Variants in LRRC3B observed in about 807,000 individuals in gnomAD.
LRRC3B encodes the protein leucine rich repeat containing 3B.
A neutral mutation model predicts 12.8 loss-of-function variants in LRRC3B; 2 were observed. The ratio of observed to expected loss-of-function variants is 0.16; its 90% CI spans 0.06 to 0.49. LRRC3B has a LOEUF of 0.49. LRRC3B is among the 20% of genes least tolerant of loss of function. LRRC3B has a pLI of 0.96. For synonymous variants in LRRC3B, 132 were observed against 122.0 expected, an observed-to-expected ratio of 1.08 and a Z score of -0.54; for missense variants, 189 against 319.4, an observed-to-expected ratio of 0.59 and a Z score of 3.11.
intron 1 of LRRC3B, among the ~76,000 whole-genome samples, chr3:26,692,281 CAGAT>C (rs947357042): frequency 7.2e-5 from 11 of 152,200 alleles, no homozygotes; most frequent in African/African-American, 2.2e-4. Flanking sequence ...GGTTTAGACT[CAGAT>C]AGTCTGACTT....
intron 1 of LRRC3B, among the ~76,000 whole-genome samples, chr3:26,658,019 A>C (rs1395318139): frequency 6.6e-6 from 1 of 152,206 alleles, no homozygotes; most frequent in East Asian, 1.9e-4. Context: ...AATTTAGATA[A>C]TCTTGACTTT....
intron 1 of LRRC3B, among the ~76,000 whole-genome samples, chr3:26,626,837 A>T (rs912623903): frequency 1.3e-5 from 2 of 152,208 alleles, no homozygotes; most frequent in Non-Finnish European, 2.9e-5. Context: ...ATAAGATTAA[A>T]TGATTTCTAA....
chr3:26,689,334 C>T (rs1427585391), intron 1 of LRRC3B, among the ~76,000 whole-genome samples: 3 of 152,270 alleles, frequency 2.0e-5, no homozygotes, highest in South Asian at 2.1e-4. Flanking sequence ...GTAGGCCAGG[C>T]TAGCATCACA....
chr3:26,695,858 A>G (rs1700302758), intron 1 of LRRC3B, among the ~76,000 whole-genome samples: 1 of 152,246 alleles, frequency 6.6e-6, no homozygotes, highest in Non-Finnish European at 1.5e-5. Context: ...TCCAAAATCC[A>G]CAATGGCTAA....
intron 1 of LRRC3B, among the ~76,000 whole-genome samples, chr3:26,632,646 C>A (rs932670575): frequency 1.3e-5 from 2 of 151,892 alleles, no homozygotes; most frequent in East Asian, 1.9e-4. Flanking sequence ...GTTTGTTTGA[C>A]CTAAGGGCAG....
intron 1 of LRRC3B, among the ~76,000 whole-genome samples, chr3:26,671,413 G>GAGAGAGAGAGAGAGGGAGAGAGAGAGAC (rs9331540): frequency 1.0e-5 from 1 of 99,388 alleles, no homozygotes; most frequent in Non-Finnish European, 1.9e-5. Flanking sequence ...GAGAGAGAGA[G>GAGAGAGAGAGAGAGGGAGAGAGAGAGAC]ACGAAGTCTT....
intron 1 of LRRC3B, among the ~76,000 whole-genome samples, chr3:26,663,376 T>C (rs575344257): frequency 6.6e-6 from 1 of 152,246 alleles, no homozygotes; most frequent in East Asian, 1.9e-4. Flanking sequence ...TCTAGTAAAC[T>C]TTTGCATATC....
At chr3:26,628,329 TA>T (rs1559347231) in intron 1 of LRRC3B, among the ~76,000 whole-genome samples, 1 of 149,358 alleles carries the variant, frequency 6.7e-6, no homozygotes, top group Admixed American at 6.7e-5. Context: ...TGAAAAAAAA[TA>T]ATCAAGATTC....
At chr3:26,636,964 TTCTTTCTTTC>T (rs1488813583) in intron 1 of LRRC3B, among the ~76,000 whole-genome samples, 5 of 109,208 alleles carry the variant, frequency 4.6e-5, no homozygotes, top group African/African-American at 7.6e-5. Context: ...CTTTCTTTCT[TTCTTTCTTTC>T]TCTCTCTCTC....
At chr3:26,705,207 T>C (rs1700556370) in intron 1 of LRRC3B, among the ~76,000 whole-genome samples, 1 of 152,164 alleles carries the variant, frequency 6.6e-6, no homozygotes, top group Non-Finnish European at 1.5e-5. Flanking sequence ...GAAATGGTAT[T>C]TGATGGTTGC....
intron 1 of LRRC3B, among the ~76,000 whole-genome samples, chr3:26,686,421 C>T (rs1700090664): frequency 6.6e-6 from 1 of 152,140 alleles, no homozygotes; most frequent in Admixed American, 6.5e-5. Context: ...CTTATGGTAA[C>T]TTCAACACTG....
intron 1 of LRRC3B, among the ~76,000 whole-genome samples, chr3:26,703,028 C>T (rs1700496343): frequency 6.6e-6 from 1 of 152,042 alleles, no homozygotes. Context: ...GAACTCAGTC[C>T]TAAAGATGTG....
exon 2 of LRRC3B, chr3:26,710,611 T>C (rs767720696): frequency 2.8e-6 from 2 of 715,446 alleles, no homozygotes; most frequent in East Asian, 2.8e-5. Context: ...CACTACAACA[T>C]AAATAATTTG....
intron 1 of LRRC3B, among the ~76,000 whole-genome samples, chr3:26,677,120 C>A (rs570667036): frequency 6.6e-6 from 1 of 152,270 alleles, no homozygotes; most frequent in South Asian, 2.1e-4. Context: ...AAAATGGAGA[C>A]AAAAACCATA....
At chr3:26,709,876 A>T (rs1461487408) in exon 2 of LRRC3B, 1 of 1,614,110 alleles carries the variant, frequency 6.2e-7, no homozygotes, top group South Asian at 1.1e-5. Flanking sequence ...AAACAGTCTT[A>T]CTGTATCTGG....
chr3:26,683,007 A>C (rs1039817061), intron 1 of LRRC3B, among the ~76,000 whole-genome samples: 6 of 152,194 alleles, frequency 3.9e-5, no homozygotes, highest in Non-Finnish European at 4.4e-5. Context: ...TTTTTATGCC[A>C]GTTTTTAAGT....
intron 1 of LRRC3B, among the ~76,000 whole-genome samples, chr3:26,634,824 C>G (rs1036548128): frequency 7.2e-5 from 11 of 152,302 alleles, no homozygotes; most frequent in Non-Finnish European, 1.2e-4. Context: ...GGCTTTGACG[C>G]TGCTGAGAGT....
chr3:26,662,506 C>T (rs1317834696), intron 1 of LRRC3B, among the ~76,000 whole-genome samples: 2 of 152,120 alleles, frequency 1.3e-5, no homozygotes, highest in Non-Finnish European at 2.9e-5. Context: ...AATCTCTCTA[C>T]CGCTAAAACT....
At chr3:26,674,795 A>G (rs1433674707) in intron 1 of LRRC3B, among the ~76,000 whole-genome samples, 1 of 152,136 alleles carries the variant, frequency 6.6e-6, no homozygotes, top group Non-Finnish European at 1.5e-5. Context: ...TCCAACCTAC[A>G]ACCTTCTCTC....
Sources: gnomAD v4.1 joint callset for allele counts (sites outside exome capture counted in the v4.1 genomes callset) on GRCh38, gnomAD v4.1.1 for gene constraint, MANE v1.5 for transcripts, NCBI Gene and HGNC (gene_info 2026-07-23, HGNC 2026-07-21) for gene names.